The following SLC66A2 variants were observed in gnomAD, a reference collection of about 807,000 sequenced individuals.
The protein encoded by SLC66A2 is PQ loop repeat containing 1.
Under a neutral mutation model 25.5 loss-of-function variants are expected in SLC66A2, and 23 were observed. That is an observed-to-expected ratio of 0.90 (90% CI 0.65 to 1.28). The LOEUF is 1.28. Ranked by LOEUF, SLC66A2 falls within the 50% of genes most tolerant of loss-of-function variation. The probability of loss-of-function intolerance (pLI) is 0.00; values close to 1 mark genes in which losing one functional copy is unlikely to be tolerated. For synonymous variants in SLC66A2, 193 were observed against 166.5 expected (o/e 1.16, Z -1.23); for missense variants, 396 against 373.1 (o/e 1.06, Z -0.51).
At chr18:79,936,756 C>G (rs1987130448) in intron 3 of SLC66A2, among the ~76,000 whole-genome samples, 1 of 152,224 alleles carries the variant, frequency 6.6e-6, no homozygotes, top group Non-Finnish European at 1.5e-5. Context: ...GCACCCCTGA[C>G]AAGGTGCGTT....
At chr18:79,907,164 A>G (rs1243633428) in intron 5 of SLC66A2, among the ~76,000 whole-genome samples, 2 of 152,198 alleles carry the variant, frequency 1.3e-5, no homozygotes, top group Non-Finnish European at 2.9e-5. Flanking sequence ...TAGGCCATTT[A>G]CATTGAATGT....
rs1199106335 is a variant in SLC66A2, at chr18:79,904,531, C to T, written c.609-348G>A. On this transcript the variant is annotated intron_variant, in intron 5 of 5. Coordinates refer to ENST00000397778, the MANE Select transcript of SLC66A2 (RefSeq NM_025078.5). This position sits in a 1 kb window ranked among gnomAD's most constrained non-coding sequence, Gnocchi z 6.3. ...GCAAGCCCAAGAACAGTGAGACCAG[C>T]TCGAGGCTACAGGGGACAGCAGGGC... 6.6e-6 allele frequency among the ~76,000 whole-genome samples: 1 copy of T among 152,158 alleles called. No individual in the cohort carries two copies. The highest frequency in any genetic ancestry group is 1.5e-5 in the Non-Finnish European group (1 of 68,002).
intron 3 of SLC66A2, among the ~76,000 whole-genome samples, chr18:79,934,788 G>A (rs1283100929): frequency 6.6e-6 from 1 of 152,176 alleles, no homozygotes; most frequent in Non-Finnish European, 1.5e-5. Context: ...GCAGAAGTAG[G>A]ATCAAAGGTT....
chr18:79,926,811 T>G (rs558599404), intron 4 of SLC66A2, among the ~76,000 whole-genome samples: 1 of 152,278 alleles, frequency 6.6e-6, no homozygotes, highest in South Asian at 2.1e-4. Flanking sequence ...CTGAATGACT[T>G]CTTAAATGAG....
chr18:79,938,029 G>A (rs1397048414), intron 3 of SLC66A2, among the ~76,000 whole-genome samples: 3 of 152,036 alleles, frequency 2.0e-5, no homozygotes, highest in Non-Finnish European at 2.9e-5. Context: ...TAATCCCAAC[G>A]CTTTGGGAGG....
At chr18:79,913,598 T>TGC (rs1470149976) in intron 5 of SLC66A2, among the ~76,000 whole-genome samples, 1 of 152,220 alleles carries the variant, frequency 6.6e-6, no homozygotes, top group African/African-American at 2.4e-5. Flanking sequence ...TGTGTGTGTG[T>TGC]GCATGCGCGC....
In SLC66A2 at chr18:79,950,713, C is replaced by A. The variant is rs747595521; in HGVS notation, c.203+11G>T. ...CCGGGTGCAGCCCAGGAAAGCAAGCCCCCAACTTACCAGAAGAGTATCCGC... is the reference window on the plus strand; with the variant it reads ...CCGGGTGCAGCCCAGGAAAGCAAGCACCCAACTTACCAGAAGAGTATCCGC... On this transcript the variant is annotated intron_variant, in intron 2 of 5. Coordinates refer to ENST00000397778, the MANE Select transcript of SLC66A2 (RefSeq NM_025078.5). 2.5e-6 allele frequency: 4 copies of A among 1,612,582 alleles called. No individual in the cohort carries two copies. The African/African-American group carries it at 5.3e-5, about 22-fold the overall frequency.
At chr18:79,943,150 C>A (rs1391012742) in intron 3 of SLC66A2, among the ~76,000 whole-genome samples, 179 bp downstream of exon 3, 1 of 152,222 alleles carries the variant, frequency 6.6e-6, no homozygotes, top group East Asian at 1.9e-4. Context: ...TGCTTCAAGT[C>A]ATAAACCGTT....
intron 4 of SLC66A2, among the ~76,000 whole-genome samples, chr18:79,924,704 T>A (rs1361609963): frequency 3.3e-5 from 5 of 152,246 alleles, no homozygotes; most frequent in African/African-American, 4.8e-5. Context: ...GATGCAGACA[T>A]ATCTACTTGT....
At chr18:79,938,817 C>T (rs1040974183) in intron 3 of SLC66A2, among the ~76,000 whole-genome samples, 8 of 152,192 alleles carry the variant, frequency 5.3e-5, no homozygotes, top group Non-Finnish European at 1.2e-4. Flanking sequence ...GCTGGGATTA[C>T]AGGCATGCGC....
At chr18:79,926,623 C>T (rs1985983775) in intron 4 of SLC66A2, among the ~76,000 whole-genome samples, 1 of 151,968 alleles carries the variant, frequency 6.6e-6, no homozygotes, top group Non-Finnish European at 1.5e-5. Context: ...TCCTGGGCCA[C>T]ACTGCTCAGG....
chr18:79,912,659 C>T (rs1014890415), intron 5 of SLC66A2, among the ~76,000 whole-genome samples: 5 of 152,022 alleles, frequency 3.3e-5, no homozygotes, highest in Middle Eastern at 3.2e-3. Context: ...CCAGTGGCCG[C>T]GGGGTTGCTT....
chr18:79,907,157 G>A (rs1448758533), intron 5 of SLC66A2, among the ~76,000 whole-genome samples: 1 of 152,088 alleles, frequency 6.6e-6, no homozygotes, highest in Non-Finnish European at 1.5e-5. Context: ...GTATGATTAG[G>A]CCATTTACAT....
chr18:79,924,730 CTACTTAT>C (rs1264758963), intron 4 of SLC66A2, among the ~76,000 whole-genome samples: 3 of 152,168 alleles, frequency 2.0e-5, no homozygotes, highest in Admixed American at 6.5e-5. Flanking sequence ...TAAAAAGTAT[CTACTTAT>C]TACTTATTAG....
At chr18:79,945,607 G>A (rs997493669) in intron 2 of SLC66A2, among the ~76,000 whole-genome samples, 3 of 152,168 alleles carry the variant, frequency 2.0e-5, no homozygotes, top group Non-Finnish European at 4.4e-5. Context: ...CCCGGGGATA[G>A]AGGACGGCCA....
chr18:79,918,754 A>G lies in SLC66A2; in HGVS notation c.608+430T>C, dbSNP rs1276609713. Reference sequence around the variant, plus strand: ...TTCTACCACATACCTCAGAGGCCGGAGGCCGTGCTGGGGCCAGTGGGGAAA... The same window carrying G: ...TTCTACCACATACCTCAGAGGCCGGGGGCCGTGCTGGGGCCAGTGGGGAAA... On this transcript the variant is annotated intron_variant, in intron 5 of 5. Transcript: ENST00000397778. This position sits in a 1 kb window ranked among gnomAD's most constrained non-coding sequence, Gnocchi z 4.0. 6.6e-6 allele frequency among the ~76,000 whole-genome samples: 1 copy of G among 152,214 alleles called. No individual in the cohort carries two copies. Among genetic ancestry groups the G allele is most frequent in the Non-Finnish European group, 1.5e-5 (1 of 68,028 alleles).
rs990814825 is a variant in SLC66A2 at position 79,937,674 on chromosome 18, G to A, written c.338-3652C>T. ...CCACACGCACCTCCGACGGAACGAC[G>A]CAACCATCCTGCGAAACACAAGAAC... is the stretch of plus-strand genomic sequence containing the variant. On this transcript the variant is annotated intron_variant, in intron 3 of 5. Transcript: ENST00000397778. This position sits in a 1 kb window ranked among gnomAD's most constrained non-coding sequence, Gnocchi z 5.4. Among the ~76,000 whole-genome samples the A allele has an allele frequency of 6.6e-6, 1 of 152,246 alleles. No homozygotes were observed. The highest frequency in any genetic ancestry group is 1.9e-4 in the East Asian group (1 of 5,190).
rs374800852 is a variant in SLC66A2 at position 79,918,836 on chromosome 18, C to T, written c.608+348G>A. ...ACCACCTTCCCTGCCCCACCAGACC[C>T]GCCCTGACCCTGGGCCAGGCTGGTT... On this transcript the variant is annotated intron_variant, in intron 5 of 5. Coordinates refer to ENST00000397778, the MANE Select transcript of SLC66A2 (RefSeq NM_025078.5). The surrounding 1 kb of genome is among the most constrained non-coding windows in gnomAD (Gnocchi z 4.0). Among the ~76,000 whole-genome samples, 6 of 152,370 alleles carry T rather than the reference C, an allele frequency of 3.9e-5. No homozygotes were observed. The South Asian group carries it at 6.2e-4, about 16-fold the overall frequency.
intron 3 of SLC66A2, 32 bp from the exon 4 acceptor site, chr18:79,934,054 A>C (rs1555708677): frequency 5.0e-6 from 8 of 1,587,308 alleles, no homozygotes; most frequent in Non-Finnish European, 6.0e-6. Context: ...AGAAACAGAA[A>C]GGGGAAAAAG....
Sources: gnomAD v4.1 joint callset for allele counts (sites outside exome capture counted in the v4.1 genomes callset) on GRCh38, gnomAD v4.1.1 for gene constraint, Gnocchi (gnomAD v3.1) non-coding constraint, MANE v1.5 for transcripts, NCBI Gene and HGNC (gene_info 2026-07-23, HGNC 2026-07-21) for gene names.